SPAG16: variants seen among roughly 807,000 people sequenced by gnomAD.
SPAG16 encodes the protein sperm-associated antigen 16 protein.
SPAG16 carries 86 observed loss-of-function variants against 80.4 expected under a neutral mutation model. The ratio of observed to expected loss-of-function variants is 1.07; its 90% CI spans 0.90 to 1.28. SPAG16 has a LOEUF of 1.28. Among genes scored for constraint, SPAG16 ranks in the 50% most tolerant of loss-of-function variants. The pLI, the probability that SPAG16 is intolerant of heterozygous loss-of-function variation, is 0.00. For synonymous variants in SPAG16, 294 were observed against 265.9 expected, an observed-to-expected ratio of 1.11 and a Z score of -1.03; for missense variants, 870 against 765.3, an observed-to-expected ratio of 1.14 and a Z score of -1.61.
chr2:213,492,128 G>A (rs541604141), intron 10 of SPAG16, among the ~76,000 whole-genome samples: 2 of 152,268 alleles, frequency 1.3e-5, no homozygotes, highest in South Asian at 2.1e-4. Flanking sequence ...CATGGCAAAA[G>A]TAGTAGTTTA....
chr2:214,113,056 G>C (rs764364737), intron 14 of SPAG16, among the ~76,000 whole-genome samples: 7 of 152,090 alleles, frequency 4.6e-5, no homozygotes, highest in Non-Finnish European at 7.4e-5. Context: ...TGTCTGTAAA[G>C]GATTTTATTT....
At chr2:213,584,487 T>C (rs981409262) in intron 10 of SPAG16, among the ~76,000 whole-genome samples, 1 of 151,892 alleles carries the variant, frequency 6.6e-6, no homozygotes, top group Non-Finnish European at 1.5e-5. Flanking sequence ...AGAATCTCAG[T>C]GAAAAAAAAT....
At chr2:214,024,175 T>C (rs1225256012) in intron 13 of SPAG16, among the ~76,000 whole-genome samples, 2 of 151,574 alleles carry the variant, frequency 1.3e-5, no homozygotes, top group Admixed American at 1.3e-4. Flanking sequence ...AATTTTCTGA[T>C]TTGGAATGAA....
chr2:214,401,283 A>G (rs1449397927), intron 15 of SPAG16, among the ~76,000 whole-genome samples: 1 of 151,682 alleles, frequency 6.6e-6, no homozygotes, highest in Non-Finnish European at 1.5e-5. Context: ...AATCAATAAC[A>G]CTCTCCACAG....
chr2:214,136,570 C>A (rs1269543107), intron 14 of SPAG16, among the ~76,000 whole-genome samples: 1 of 152,110 alleles, frequency 6.6e-6, no homozygotes, highest in African/African-American at 2.4e-5. Context: ...GTTGTTAATG[C>A]CTAACAGACT....
chr2:214,173,101 A>C (rs1469309804), intron 15 of SPAG16, among the ~76,000 whole-genome samples: 2 of 152,014 alleles, frequency 1.3e-5, no homozygotes, highest in Admixed American at 1.3e-4. Flanking sequence ...CTTTAGTTTA[A>C]TGAGATCCCA....
intron 12 of SPAG16, among the ~76,000 whole-genome samples, chr2:213,974,544 G>T (rs367624665): frequency 1.3e-5 from 2 of 151,850 alleles, no homozygotes; most frequent in East Asian, 3.9e-4. Flanking sequence ...CTACCAGAAA[G>T]TTACTTATTA....
chr2:214,040,318 G>A (rs2048939199), intron 13 of SPAG16, among the ~76,000 whole-genome samples: 1 of 152,094 alleles, frequency 6.6e-6, no homozygotes, highest in African/African-American at 2.4e-5. Flanking sequence ...TTTATTTTAA[G>A]TTCAGGGGTG....
rs542697076 is a variant in SPAG16 at position 213,829,856 on chromosome 2, C to T, written c.1071-32629C>T. The stretch of plus-strand genomic sequence containing the variant: ...CTTTACCCAGTGCATTATCCTACTG[C>T]GGCTGAGATGGTATCCAAGTTGCAA... On this transcript the variant is annotated intron_variant, in intron 10 of 15. Coordinates refer to ENST00000331683, the MANE Select transcript of SPAG16 (RefSeq NM_024532.5). 2.6e-4 allele frequency among the ~76,000 whole-genome samples: 39 copies of T among 152,166 alleles called. No individual in the cohort carries two copies. In the East Asian group the frequency reaches 4.8e-3, roughly 19 times the overall value.
At chr2:214,334,344 C>T (rs1019162219) in intron 15 of SPAG16, among the ~76,000 whole-genome samples, 1 of 152,194 alleles carries the variant, frequency 6.6e-6, no homozygotes, top group Non-Finnish European at 1.5e-5. Context: ...GAAAAGCATG[C>T]TCCAGTTTTG....
At chr2:213,603,190 A>C (rs1420796175) in intron 10 of SPAG16, among the ~76,000 whole-genome samples, 1 of 152,138 alleles carries the variant, frequency 6.6e-6, no homozygotes, top group Non-Finnish European at 1.5e-5. Context: ...AAATCTGTCC[A>C]CCTCTAGTCT....
chr2:214,302,370 G>T (rs1694614599), intron 15 of SPAG16, among the ~76,000 whole-genome samples: 1 of 152,188 alleles, frequency 6.6e-6, no homozygotes, highest in Non-Finnish European at 1.5e-5. Flanking sequence ...GTCATGTAAT[G>T]ACTGGTGATA....
At chr2:214,268,853 A>T (rs942863355) in intron 15 of SPAG16, among the ~76,000 whole-genome samples, 15 of 151,952 alleles carry the variant, frequency 9.9e-5, no homozygotes, top group Admixed American at 6.6e-4. Flanking sequence ...CCATGCATGG[A>T]AGAGCTGTAT....
At chr2:213,725,092 C>T (rs903523811) in intron 10 of SPAG16, among the ~76,000 whole-genome samples, 1 of 151,652 alleles carries the variant, frequency 6.6e-6, no homozygotes. Flanking sequence ...AGTGCAGTGG[C>T]TTGATCTTGG....
intron 12 of SPAG16, among the ~76,000 whole-genome samples, chr2:213,951,804 A>C (rs1575632485): frequency 6.6e-6 from 1 of 152,196 alleles, no homozygotes; most frequent in Non-Finnish European, 1.5e-5. Flanking sequence ...GCTTTCAAAT[A>C]GCCAAGCAAA....
chr2:214,061,828 T>C (rs2050270794), intron 13 of SPAG16, among the ~76,000 whole-genome samples: 1 of 152,154 alleles, frequency 6.6e-6, no homozygotes, highest in South Asian at 2.1e-4. Flanking sequence ...AGCACTGCTC[T>C]GGACCCATTT....
intron 9 of SPAG16, among the ~76,000 whole-genome samples, chr2:213,383,867 A>T (rs2067297222): frequency 6.6e-6 from 1 of 152,186 alleles, no homozygotes; most frequent in Admixed American, 6.5e-5. Context: ...CTAGAGTGGA[A>T]TGTTAACCTT....
chr2:213,575,417 T>G (rs2060089665), intron 10 of SPAG16, among the ~76,000 whole-genome samples: 1 of 152,112 alleles, frequency 6.6e-6, no homozygotes, highest in African/African-American at 2.4e-5. Flanking sequence ...TTGATTTCAT[T>G]TACATTTTTC....
chr2:213,300,150 G>T (rs918567291), intron 3 of SPAG16, among the ~76,000 whole-genome samples: 1 of 151,992 alleles, frequency 6.6e-6, no homozygotes, highest in African/African-American at 2.4e-5. Context: ...TATAAATGTA[G>T]AATTTTGATC....
Sources: gnomAD v4.1 joint callset for allele counts (sites outside exome capture counted in the v4.1 genomes callset) on GRCh38, gnomAD v4.1.1 for gene constraint, MANE v1.5 for transcripts, NCBI Gene and HGNC (gene_info 2026-07-23, HGNC 2026-07-21) for gene names.